Variants in PDXDC1 observed in about 807,000 individuals in gnomAD.
The protein encoded by PDXDC1 is pyridoxal-dependent decarboxylase domain-containing protein 1.
Under a neutral mutation model 100.1 loss-of-function variants are expected in PDXDC1, and 42 were observed. The ratio of observed to expected loss-of-function variants is 0.42; its 90% CI spans 0.33 to 0.54. PDXDC1 has a LOEUF of 0.54. Among genes scored for constraint, PDXDC1 ranks in the 20% least tolerant of loss-of-function variants. The pLI, the probability that PDXDC1 is intolerant of heterozygous loss-of-function variation, is 0.10. For missense variants in PDXDC1, 636 were observed against 979.2 expected (o/e 0.65, Z 4.68); for synonymous variants, 260 against 371.7 (o/e 0.70, Z 3.46).
chr16:15,080,532 T>G (rs1288533682), intron 16 of PDXDC1, among the ~76,000 whole-genome samples: 1 of 152,194 alleles, frequency 6.6e-6, no homozygotes, highest in East Asian at 1.9e-4. Flanking sequence ...ATTCCCAGGA[T>G]AAGCAATCCT....
intron 16 of PDXDC1, among the ~76,000 whole-genome samples, chr16:15,088,421 C>T (rs902261956): frequency 2.6e-5 from 4 of 152,000 alleles, no homozygotes; most frequent in African/African-American, 4.8e-5. Context: ...GAGCCATGAT[C>T]GGGCCCATTA....
intron 1 of PDXDC1, among the ~76,000 whole-genome samples, chr16:14,984,077 C>T (rs954844497): frequency 2.6e-5 from 4 of 152,340 alleles, no homozygotes; most frequent in East Asian, 1.9e-4. Flanking sequence ...GTGAGAGGAT[C>T]GCTTGAGCCC....
intron 16 of PDXDC1, among the ~76,000 whole-genome samples, chr16:15,096,548 G>A (rs2046361908): frequency 6.6e-6 from 1 of 152,208 alleles, no homozygotes; most frequent in Non-Finnish European, 1.5e-5. Context: ...AAGGACAGAG[G>A]AAATAATTGC....
In PDXDC1 at chr16:15,026,815, A is replaced by C. The variant is rs2042638546; in HGVS notation, c.1204+109A>C. ...AATATTTTTATTGCTGACAATCTTC[A>C]GTCAGCATTTCAGAAAAATGTAATA... is the stretch of plus-strand genomic sequence containing the variant. On this transcript the variant is annotated intron_variant, in intron 14 of 22. Transcript: ENST00000396410. 41 of 1,157,878 alleles carry C rather than the reference A, an allele frequency of 3.5e-5. No homozygotes were observed. In the South Asian group the frequency reaches 5.6e-4, roughly 16 times the overall value. 71.7% of individuals were successfully genotyped at this position (1,157,878 alleles called of 1,614,324 possible).
intron 16 of PDXDC1, chr16:15,076,395 G>A: frequency 1.5e-6 from 1 of 653,394 alleles, no homozygotes; most frequent in South Asian, 1.8e-5. Flanking sequence ...TATGCTAAGT[G>A]CTAAATGACA....
chr16:15,135,559 G>A (rs1359410333), intron 16 of PDXDC1: 32 of 1,077,512 alleles, frequency 3.0e-5, no homozygotes, highest in Admixed American at 2.2e-4. Context: ...CACTGAGGAC[G>A]GGCCAGCCCT....
At chr16:15,104,235 C>A in intron 16 of PDXDC1, 2 of 1,240,884 alleles carry the variant, frequency 1.6e-6, no homozygotes, top group East Asian at 5.2e-5. Context: ...AAAAAAACCC[C>A]TACGATTAAA....
At chr16:15,130,077 C>G in intron 16 of PDXDC1, 2 of 1,481,416 alleles carry the variant, frequency 1.4e-6, no homozygotes, top group Non-Finnish European at 1.9e-6. Flanking sequence ...GCTGTCGGCT[C>G]CTGTGAGGAC....
chr16:15,096,116 G>T (rs997767772), intron 16 of PDXDC1, among the ~76,000 whole-genome samples: 22 of 146,794 alleles, frequency 1.5e-4, no homozygotes, highest in African/African-American at 4.5e-4. Context: ...TTTGTTTTTT[G>T]TTTTTTTTTT....
At chr16:14,979,263 T>A (rs1399682700) in intron 1 of PDXDC1, among the ~76,000 whole-genome samples, 2 of 152,208 alleles carry the variant, frequency 1.3e-5, no homozygotes, top group African/African-American at 2.4e-5. Flanking sequence ...GCAAAGAAGG[T>A]TCCACTGGAC....
chr16:15,124,423 A>G (rs3954026), intron 16 of PDXDC1, among the ~76,000 whole-genome samples: 3,309 of 151,672 alleles, frequency 0.022, 115 homozygotes, highest in African/African-American at 0.075. Flanking sequence ...TGCTACAAAT[A>G]GAAAGCCAAT....
intron 1 of PDXDC1, 115 bp from the exon 2 acceptor site, chr16:14,997,638 A>G (rs1474128536): frequency 8.5e-7 from 1 of 1,182,752 alleles, no homozygotes; most frequent in South Asian, 1.7e-5. Flanking sequence ...TTTTAAAATC[A>G]TGTATTTCAC....
chr16:15,091,427 C>G (rs549369699), intron 16 of PDXDC1: 1 of 1,225,598 alleles, frequency 8.2e-7, no homozygotes, highest in Non-Finnish European at 1.2e-6. Context: ...TTAGTATCAA[C>G]AGCAAGACTT....
At chr16:15,050,579 A>C (rs12599007) in intron 16 of PDXDC1, among the ~76,000 whole-genome samples, 16,949 of 152,062 alleles carry the variant, frequency 0.11, 1,087 homozygotes, top group East Asian at 0.24. Context: ...AAAAATTACA[A>C]AAATTAGCTG....
chr16:15,069,998 G>A, intron 16 of PDXDC1: 2 of 1,199,390 alleles, frequency 1.7e-6, no homozygotes, highest in Middle Eastern at 2.9e-4. Flanking sequence ...TCTCAAAAAA[G>A]TAATGAATCA....
chr16:15,132,865 C>A, intron 16 of PDXDC1: 1 of 1,590,672 alleles, frequency 6.3e-7, no homozygotes, highest in Non-Finnish European at 8.5e-7. Context: ...CGTCCAGGGC[C>A]CGCTCGTACT....
At chr16:14,982,413 A>G (rs1334924152) in intron 1 of PDXDC1, among the ~76,000 whole-genome samples, 2 of 152,268 alleles carry the variant, frequency 1.3e-5, no homozygotes, top group African/African-American at 4.8e-5. Flanking sequence ...ACCTGAGGTC[A>G]GGAGTTCGAG....
At chr16:15,072,504 C>T (rs1375931078) in intron 16 of PDXDC1, among the ~76,000 whole-genome samples, 1 of 152,138 alleles carries the variant, frequency 6.6e-6, no homozygotes, top group South Asian at 2.1e-4. Context: ...TCCAAGTGTA[C>T]TGAGAAGGGA....
At chr16:15,133,761 T>C in intron 16 of PDXDC1, 1 of 1,587,204 alleles carries the variant, frequency 6.3e-7, no homozygotes, top group East Asian at 2.3e-5. Context: ...AGTCGGGGGA[T>C]CCCGCTGCTC....
Sources: allele counts gnomAD v4.1 joint callset (sites outside exome capture counted in the v4.1 genomes callset), GRCh38; gene constraint gnomAD v4.1.1; transcripts MANE v1.5; gene names NCBI Gene and HGNC (gene_info 2026-07-23, HGNC 2026-07-21).